The following ENO4 variants were observed in gnomAD, a reference collection of about 807,000 sequenced individuals.
ENO4 encodes the protein 2-phospho-D-glycerate hydro-lyase.
A neutral mutation model predicts 63.2 loss-of-function variants in ENO4; 53 were observed. The ratio of observed to expected loss-of-function variants is 0.84; its 90% CI spans 0.67 to 1.05. The LOEUF is 1.05. Ranked by LOEUF, ENO4 falls within the 50% of genes least tolerant of loss-of-function variation. The pLI is 0.00. For missense variants in ENO4, 719 were observed against 772.0 expected (o/e 0.93, Z 0.81); for synonymous variants, 266 against 283.8 (o/e 0.94, Z 0.63).
chr10:116,906,087 A>G (rs1199093067), intron 10 of ENO4, among the ~76,000 whole-genome samples: 1 of 152,252 alleles, frequency 6.6e-6, no homozygotes, highest in African/African-American at 2.4e-5. Flanking sequence ...CTGATGTGTA[A>G]TTTCTACTGC....
intron 10 of ENO4, among the ~76,000 whole-genome samples, chr10:116,899,255 T>C (rs2133318733): frequency 6.6e-6 from 1 of 152,184 alleles, no homozygotes; most frequent in Middle Eastern, 3.4e-3. Flanking sequence ...TGATAACTGC[T>C]CTAGGGAGAA....
chr10:116,850,061 T>C (rs550560791), intron 1 of ENO4: 35 of 483,870 alleles, frequency 7.2e-5, no homozygotes, highest in South Asian at 6.5e-4. Context: ...CCACCGCCCA[T>C]GCTTGCCAAT....
Position 116,849,735 on chromosome 10 carries a change from G to A in ENO4, c.165+4G>A. On this transcript the variant is annotated splice_donor_region_variant and intron_variant, in intron 1 of 13. Coordinates refer to ENST00000341276, the MANE Select transcript of ENO4 (RefSeq NM_001242699.2). The stretch of plus-strand genomic sequence containing the variant: ...TGCCGACGTCTACGGGCACCTGGTA[G>A]GGACCTGGGACAAGCGCTCTCCTCC... 2.0e-6 allele frequency: 3 copies of A among 1,501,174 alleles called. No homozygotes were observed. Among genetic ancestry groups the A allele is most frequent in the Non-Finnish European group, 2.7e-6 (3 of 1,121,070 alleles). 93.0% of individuals were successfully genotyped at this position (1,501,174 alleles called of 1,614,324 possible).
chr10:116,900,339 T>C, intron 10 of ENO4: 1 of 582,268 alleles, frequency 1.7e-6, no homozygotes, highest in South Asian at 2.3e-5. Context: ...AAATTGAGCT[T>C]CACATCTGCC....
intron 10 of ENO4, chr10:116,900,721 A>ATC: frequency 1.0e-6 from 1 of 984,344 alleles, no homozygotes; most frequent in Non-Finnish European, 1.2e-6. Context: ...AATATAGATC[A>ATC]TCTTTCTGTT....
chr10:116,852,757 T>C (rs1301122611), intron 1 of ENO4, among the ~76,000 whole-genome samples: 5 of 152,146 alleles, frequency 3.3e-5, no homozygotes, highest in Non-Finnish European at 5.9e-5. Flanking sequence ...CAGGATATCC[T>C]GTGAGAAAGA....
chr10:116,857,149 G>T lies in ENO4; in HGVS notation c.485+467G>T, dbSNP rs1846287213. Among the ~76,000 whole-genome samples, 4 of 152,134 alleles carry T rather than the reference G, an allele frequency of 2.6e-5. No individual in the cohort carries two copies. The South Asian group carries it at 8.3e-4, about 32-fold the overall frequency. On this transcript the variant is annotated intron_variant, in intron 3 of 13. Transcript: ENST00000341276. Reference sequence around the variant, plus strand: ...TTAGCATAAAATTTGTTTTTCTCCTGAAAACCATGTAGTTAACACCTTACT... The same window carrying T: ...TTAGCATAAAATTTGTTTTTCTCCTTAAAACCATGTAGTTAACACCTTACT...
rs1846773948 is a variant in ENO4 at position 116,874,320 on chromosome 10, C to G, written c.1341+119C>G. 5.2e-6 allele frequency: 5 copies of G among 960,832 alleles called. No individual in the cohort carries two copies. In the South Asian group the frequency reaches 1.6e-4, roughly 30 times the overall value. 59.5% of individuals were successfully genotyped at this position (960,832 alleles called of 1,614,324 possible). ...TTTATAACAAAACAGAGAATAAAAT[C>G]TCATTCTTTTGGATCGTTGTCATTC... On this transcript the variant is annotated intron_variant, in intron 10 of 13. Coordinates refer to ENST00000341276, the MANE Select transcript of ENO4 (RefSeq NM_001242699.2).
At chr10:116,881,000 C>G (rs1174441930) in intron 13 of ENO4, among the ~76,000 whole-genome samples, 1 of 152,168 alleles carries the variant, frequency 6.6e-6, no homozygotes, top group Non-Finnish European at 1.5e-5. Context: ...TTCTCTGACA[C>G]TGGCCTTGGT....
At chr10:116,891,358 G>A (rs2133303486) in intron 10 of ENO4, among the ~76,000 whole-genome samples, 1 of 152,288 alleles carries the variant, frequency 6.6e-6, no homozygotes, top group South Asian at 2.1e-4. Context: ...GTGAATCAAA[G>A]TATAGTTCTT....
intron 10 of ENO4, among the ~76,000 whole-genome samples, chr10:116,898,155 G>C (rs1021080677): frequency 1.3e-5 from 2 of 151,802 alleles, no homozygotes; most frequent in Admixed American, 6.6e-5. Flanking sequence ...TAGTGAAACC[G>C]CGTCTCTACT....
chr10:116,863,695 T>G (rs546357351), intron 7 of ENO4, among the ~76,000 whole-genome samples: 1 of 152,300 alleles, frequency 6.6e-6, no homozygotes, highest in South Asian at 2.1e-4. Flanking sequence ...ACTTTGGTTT[T>G]AACTCTGTCT....
At chr10:116,900,688 T>C in intron 10 of ENO4, 2 of 1,461,720 alleles carry the variant, frequency 1.4e-6, no homozygotes, top group Non-Finnish European at 1.8e-6. Flanking sequence ...GTTAAACAAA[T>C]TTAATAGGAA....
intron 7 of ENO4, chr10:116,864,264 G>A (rs1846494787): frequency 6.6e-6 from 1 of 152,226 alleles, no homozygotes; most frequent in African/African-American, 2.4e-5. Flanking sequence ...CCTGAGGTCA[G>A]GAGTTTGACA....
chr10:116,862,980 T>C (rs1172711816), intron 7 of ENO4, 128 bp downstream of exon 7: 1 of 705,146 alleles, frequency 1.4e-6, no homozygotes, highest in Non-Finnish European at 2.4e-6. Context: ...GCTTTGGGTT[T>C]CCCCCAAGAA....
At chr10:116,870,173 G>A (rs1321129595) in intron 8 of ENO4, among the ~76,000 whole-genome samples, 1 of 152,086 alleles carries the variant, frequency 6.6e-6, no homozygotes, top group East Asian at 1.9e-4. Flanking sequence ...ATTGAGTTTG[G>A]TGCACACACA....
chr10:116,897,257 G>T (rs887306523), intron 10 of ENO4, among the ~76,000 whole-genome samples: 1 of 152,128 alleles, frequency 6.6e-6, no homozygotes, highest in Non-Finnish European at 1.5e-5. Flanking sequence ...TCCTGAGGAT[G>T]TATTTTAAAA....
At chr10:116,906,798 T>C (rs764686960) in intron 10 of ENO4, 265 of 1,388,616 alleles carry the variant, frequency 1.9e-4, no homozygotes, top group Non-Finnish European at 2.4e-4. Context: ...TAATACAATA[T>C]ACAAAAGAAT....
intron 7 of ENO4, among the ~76,000 whole-genome samples, chr10:116,863,390 A>ACACACACG (rs1465828174): frequency 6.6e-6 from 1 of 151,142 alleles, no homozygotes; most frequent in Non-Finnish European, 1.5e-5. Flanking sequence ...ACACACACGC[A>ACACACACG]CACACCTTTT....
Sources: gnomAD v4.1 joint callset for allele counts (sites outside exome capture counted in the v4.1 genomes callset) on GRCh38, gnomAD v4.1.1 for gene constraint, MANE v1.5 for transcripts, NCBI Gene and HGNC (gene_info 2026-07-23, HGNC 2026-07-21) for gene names.